TATDN1: variants seen among roughly 807,000 people sequenced by gnomAD.
The protein encoded by TATDN1 is deoxyribonuclease TATDN1.
In TATDN1, 40 loss-of-function variants were observed where a neutral mutation model predicts 46.4. The observed-to-expected ratio is 0.86, with a 90% CI of 0.67 to 1.12. The LOEUF is 1.12. Among genes scored for constraint, TATDN1 ranks in the 50% most tolerant of loss-of-function variants. The pLI, the probability that TATDN1 is intolerant of heterozygous loss-of-function variation, is 0.00. For missense variants in TATDN1, 326 were observed against 348.4 expected, an observed-to-expected ratio of 0.94 and a Z score of 0.51; for synonymous variants, 95 against 105.6, an observed-to-expected ratio of 0.90 and a Z score of 0.62.
At chr8:124,516,399 C>T (rs1273514724) in intron 4 of TATDN1, among the ~76,000 whole-genome samples, 1 of 151,724 alleles carries the variant, frequency 6.6e-6, no homozygotes, top group East Asian at 1.9e-4. Flanking sequence ...ACCTCCTGGG[C>T]TCAAGCGATC....
chr8:124,518,211 C>CAA (rs374487274), intron 4 of TATDN1, among the ~76,000 whole-genome samples: 9 of 34,604 alleles, frequency 2.6e-4, no homozygotes, highest in East Asian at 6.0e-4. Context: ...GACTCTATCT[C>CAA]AAAAAAAAAA....
intron 3 of TATDN1, among the ~76,000 whole-genome samples, chr8:124,519,144 C>T (rs1427354122): frequency 6.6e-6 from 1 of 152,144 alleles, no homozygotes; most frequent in Non-Finnish European, 1.5e-5. Context: ...TATATACCCA[C>T]CTTTCCTATT....
intron 4 of TATDN1, among the ~76,000 whole-genome samples, chr8:124,516,652 T>C (rs1819500248): frequency 6.7e-6 from 1 of 149,986 alleles, no homozygotes; most frequent in East Asian, 2.0e-4. Context: ...ACTATCTTGA[T>C]TGGTATATTT....
At chr8:124,499,698 C>T (rs906896795) in intron 9 of TATDN1, among the ~76,000 whole-genome samples, 4 of 151,864 alleles carry the variant, frequency 2.6e-5, no homozygotes, top group Admixed American at 6.6e-5. Context: ...CGCCCGCCAC[C>T]ACACCCGGCT....
chr8:124,499,173 AT>A (rs1817734128), intron 9 of TATDN1, among the ~76,000 whole-genome samples: 1 of 151,496 alleles, frequency 6.6e-6, no homozygotes, highest in Non-Finnish European at 1.5e-5. Flanking sequence ...TTTTAGTAGG[AT>A]TTTAGGAGGG....
intron 1 of TATDN1, among the ~76,000 whole-genome samples, chr8:124,533,336 T>C (rs974218930): frequency 1.3e-5 from 2 of 151,700 alleles, no homozygotes; most frequent in East Asian, 1.9e-4. Context: ...AAGTATCTCA[T>C]AGGAGGTCAA....
intron 9 of TATDN1, 145 bp from the exon 10 acceptor site, chr8:124,495,687 C>T (rs1198546925): frequency 3.3e-6 from 2 of 607,064 alleles, no homozygotes; most frequent in African/African-American, 3.7e-5. Context: ...TATTTGCACA[C>T]CTCCATACTT....
In TATDN1 at chr8:124,515,760, T is replaced by C. The variant is rs1391399111; in HGVS notation, c.375A>G (p.Lys125=). ...LDFDRLQFCP[K]DTQLKYFEKQ... ...AATTTCCTTACTTGAGTTGAGTATC[T>C]TTGGGACAAAACTGCAGTCGGTCAA... The change falls in exon 6 of 12, where the codon AAA becomes AAG. Residue 125 remains lysine (K), a synonymous_variant. Transcript: ENST00000276692. 2 of 1,613,690 alleles carry C rather than the reference T, an allele frequency of 1.2e-6. No homozygotes were observed. Among genetic ancestry groups the C allele is most frequent in the Non-Finnish European group, 1.7e-6 (2 of 1,179,856 alleles).
chr8:124,518,145 G>A (rs1190980684), intron 4 of TATDN1, among the ~76,000 whole-genome samples: 2 of 149,172 alleles, frequency 1.3e-5, no homozygotes, highest in African/African-American at 5.0e-5. Context: ...CAGGGAGGTG[G>A]CGCGCGCAGT....
chr8:124,503,262 T>C lies in TATDN1; in HGVS notation c.593+1009A>G, dbSNP rs552910742. On this transcript the variant is annotated intron_variant, in intron 9 of 11. Transcript: ENST00000276692. ...CCCCAATGAGAATAGACAAAGGGGA[T>C]GAATCAAGAGACAATAGTATATGGA... Among the ~76,000 whole-genome samples the C allele has an allele frequency of 1.2e-4, 19 of 152,200 alleles. No homozygotes were observed. The South Asian group carries it at 3.9e-3, about 31-fold the overall frequency.
At chr8:124,529,868 G>A (rs1820808895) in intron 1 of TATDN1, among the ~76,000 whole-genome samples, 1 of 152,066 alleles carries the variant, frequency 6.6e-6, no homozygotes, top group Non-Finnish European at 1.5e-5. Flanking sequence ...AAGGCAGGTG[G>A]ATTACTTGAG....
chr8:124,525,778 T>C (rs1044925632), intron 1 of TATDN1, among the ~76,000 whole-genome samples: 1 of 152,278 alleles, frequency 6.6e-6, no homozygotes, highest in East Asian at 1.9e-4. Flanking sequence ...CATTATCAAA[T>C]AGCCAAATGT....
intron 8 of TATDN1, among the ~76,000 whole-genome samples, chr8:124,505,117 GCT>G (rs898046022): frequency 6.6e-6 from 1 of 150,786 alleles, no homozygotes; most frequent in African/African-American, 2.4e-5. Context: ...AGGCGCAATG[GCT>G]CACGCCTGTA....
intron 9 of TATDN1, among the ~76,000 whole-genome samples, chr8:124,501,188 C>T (rs1328153607): frequency 6.6e-6 from 1 of 152,202 alleles, no homozygotes; most frequent in Non-Finnish European, 1.5e-5. Context: ...GTGAGATCCT[C>T]TAACCCATCC....
chr8:124,488,851 A>AACTT (rs1160589683), intron 11 of TATDN1, 155 bp from the exon 12 acceptor site: 8 of 604,464 alleles, frequency 1.3e-5, no homozygotes, highest in Middle Eastern at 3.4e-4. Flanking sequence ...TCAATAGAAA[A>AACTT]ACTTACTGCC....
chr8:124,510,475 G>T (rs761788590), intron 6 of TATDN1, among the ~76,000 whole-genome samples: 53 of 152,270 alleles, frequency 3.5e-4, no homozygotes, highest in Non-Finnish European at 7.3e-4. Flanking sequence ...GTATCTAATG[G>T]TCGGATGGAA....
Position 124,519,379 on chromosome 8 carries a change from C to T in TATDN1, c.139-498G>A, listed in dbSNP as rs183652371. On this transcript the variant is annotated intron_variant, in intron 3 of 11. Coordinates refer to ENST00000276692, the MANE Select transcript of TATDN1 (RefSeq NM_032026.4). ...TCCACAAGGTATTCAAGAAGCTACA[C>T]GATGTTTGACACCACCAGAGACTGA... Among the ~76,000 whole-genome samples, 260 of 152,238 alleles carry T rather than the reference C, an allele frequency of 1.7e-3. 3 individuals are homozygous for T. The South Asian group carries it at 0.021, about 12-fold the overall frequency.
intron 6 of TATDN1, among the ~76,000 whole-genome samples, chr8:124,514,964 G>C (rs577169940): frequency 3.9e-5 from 6 of 151,928 alleles, no homozygotes; most frequent in African/African-American, 1.4e-4. Context: ...TTTCTTGCTG[G>C]TTTTTTTTAG....
chr8:124,537,179 C>G (rs1335768626), intron 1 of TATDN1, among the ~76,000 whole-genome samples: 1 of 152,178 alleles, frequency 6.6e-6, no homozygotes, highest in Non-Finnish European at 1.5e-5. Flanking sequence ...CTTTCCCAAA[C>G]AGTCATTGTA....
Sources: allele counts gnomAD v4.1 joint callset (sites outside exome capture counted in the v4.1 genomes callset), GRCh38; gene constraint gnomAD v4.1.1; transcripts MANE v1.5; gene names NCBI Gene and HGNC (gene_info 2026-07-23, HGNC 2026-07-21).